DYNLL1: variants seen among roughly 807,000 people sequenced by gnomAD.
DYNLL1 encodes dynein light chain 1, cytoplasmic.
Under a neutral mutation model 10.1 loss-of-function variants are expected in DYNLL1, and 3 were observed. That is an observed-to-expected ratio of 0.30 (90% CI 0.14 to 0.77). The LOEUF is 0.77. Among genes scored for constraint, DYNLL1 ranks in the 30% least tolerant of loss-of-function variants. The pLI is 0.66. For synonymous variants in DYNLL1, 46 were observed against 41.2 expected, an observed-to-expected ratio of 1.12 and a Z score of -0.45; for missense variants, 47 against 111.7, an observed-to-expected ratio of 0.42 and a Z score of 2.61.
At chr12:120,486,835 C>T (rs787824) in intron 1 of DYNLL1, among the ~76,000 whole-genome samples, 119,217 of 151,940 alleles carry the variant, frequency 0.78, 47,168 homozygotes, top group Admixed American at 0.85. Flanking sequence ...AATCAATAAC[C>T]TCCTCACTGG....
chr12:120,496,569 G>T lies in DYNLL1; in HGVS notation c.132+16G>T. 21 of 1,613,692 alleles carry T rather than the reference G, an allele frequency of 1.3e-5. No individual in the cohort carries two copies. Among genetic ancestry groups the T allele is most frequent in the Non-Finnish European group, 1.8e-5 (21 of 1,179,912 alleles). On this transcript the variant is annotated intron_variant, in intron 2 of 2. Coordinates refer to ENST00000242577, the MANE Select transcript of DYNLL1 (RefSeq NM_003746.3). The stretch of plus-strand genomic sequence containing the variant: ...TATCAAGAAGGTGAGGATGGGCGCG[G>T]GGGCCGATACGCAGCCGGGAGCAGG...
At chr12:120,478,461 G>A (rs1270023282) in intron 1 of DYNLL1, among the ~76,000 whole-genome samples, 1 of 149,514 alleles carries the variant, frequency 6.7e-6, no homozygotes, top group Admixed American at 6.6e-5. Flanking sequence ...ACCTAGGCTG[G>A]TCTCAAACTC....
At position 120,487,266 on chromosome 12, in the gene DYNLL1, C is replaced by T. The variant is rs929621710; in HGVS notation, c.-6-9150C>T. 6.3e-4 allele frequency among the ~76,000 whole-genome samples: 84 copies of T among 133,744 alleles called. 1 individual carries two copies. Among genetic ancestry groups the T allele is most frequent in the East Asian group, 1.6e-3 (7 of 4,432 alleles). The allele number at this position is 133,744 out of a possible 152,430, so 87.7% of individuals were successfully genotyped here. A position where few individuals can be genotyped will look rare whatever the true frequency, so the allele number is the denominator to read the frequency against. ...GGGATTACAGGCGTAAGCCACCGTGCCCGGCCTTTTTTTTTTTTTTTTTTT... is the reference window on the plus strand; with the variant it reads ...GGGATTACAGGCGTAAGCCACCGTGTCCGGCCTTTTTTTTTTTTTTTTTTT... On this transcript the variant is annotated intron_variant, in intron 1 of 2. Coordinates refer to the DYNLL1 transcript ENST00000392509.
chr12:120,474,070 C>T (rs1317862104), intron 1 of DYNLL1, among the ~76,000 whole-genome samples: 2 of 151,804 alleles, frequency 1.3e-5, no homozygotes, highest in African/African-American at 4.8e-5. Context: ...GGAGTTCAAG[C>T]AGGGAAGAAG....
chr12:120,475,292 A>G (rs530968856), intron 1 of DYNLL1, among the ~76,000 whole-genome samples: 2 of 152,190 alleles, frequency 1.3e-5, no homozygotes, highest in Non-Finnish European at 2.9e-5. Context: ...CTGTATTTGT[A>G]GCAGCTCGGT....
intron 1 of DYNLL1, among the ~76,000 whole-genome samples, chr12:120,482,027 A>G (rs1394524532): frequency 6.6e-6 from 1 of 152,104 alleles, no homozygotes; most frequent in Non-Finnish European, 1.5e-5. Context: ...TCTTGTTAAT[A>G]TATCTTTCGT....
chr12:120,470,097 C>A (rs562327530), exon 1 of DYNLL1: 1 of 153,030 alleles, frequency 6.5e-6, no homozygotes, highest in African/African-American at 2.4e-5. Context: ...TCGCGGCCCC[C>A]ACCTCAGGTC....
chr12:120,474,378 T>TC (rs1469513596), intron 1 of DYNLL1, among the ~76,000 whole-genome samples: 4 of 150,316 alleles, frequency 2.7e-5, no homozygotes, highest in Non-Finnish European at 4.4e-5. Context: ...TTAATGCAGT[T>TC]CCCACAGCAA....
In DYNLL1 at chr12:120,487,442, G is replaced by A. The variant is rs141918030; in HGVS notation, c.-6-8974G>A. Among the ~76,000 whole-genome samples the A allele has an allele frequency of 9.4e-3, 1,424 of 151,102 alleles. 17 individuals carry two copies. The highest frequency in any genetic ancestry group is 0.033 in the African/African-American group (1,336 of 41,082). ...CTCCCGAGTAGCTGGGACTACAGGC[G>A]CCCACCACCACACCCGGCTAATTTT... On this transcript the variant is annotated intron_variant, in intron 1 of 2. Coordinates refer to the DYNLL1 transcript ENST00000392509.
chr12:120,473,579 C>T (rs1392693067), intron 1 of DYNLL1, among the ~76,000 whole-genome samples: 1 of 150,550 alleles, frequency 6.6e-6, no homozygotes, highest in African/African-American at 2.5e-5. Flanking sequence ...CCTGTAATCC[C>T]AGCTACTTTG....
In DYNLL1 at chr12:120,498,385, C is replaced by A. The variant is rs1868538750; in HGVS notation, c.*175C>A. 9.1e-6 allele frequency: 6 copies of A among 657,028 alleles called. No individual in the cohort carries two copies. The highest frequency in any genetic ancestry group is 1.4e-5 in the Non-Finnish European group (6 of 427,346). 40.7% of individuals were successfully genotyped at this position (657,028 alleles called of 1,614,324 possible). A position where few individuals can be genotyped will look rare whatever the true frequency, so the allele number is the denominator to read the frequency against. On this transcript the variant is annotated 3_prime_UTR_variant, in exon 3 of 3. Coordinates refer to ENST00000242577, the MANE Select transcript of DYNLL1 (RefSeq NM_003746.3). ...GTACTAGTTTGTCGTGGTTATAAAA[C>A]AATTAGCAGAATAGCCTACATTTGT...
upstream of DYNLL1, among the ~76,000 whole-genome samples, chr12:120,493,611 TTTTA>T (rs1248403797): frequency 6.6e-6 from 1 of 151,318 alleles, no homozygotes; most frequent in Non-Finnish European, 1.5e-5. Context: ...ATTTTTTATT[TTTTA>T]TTTATTTATT....
chr12:120,472,154 T>A (rs774543138), intron 1 of DYNLL1, among the ~76,000 whole-genome samples: 1 of 151,648 alleles, frequency 6.6e-6, no homozygotes, highest in Non-Finnish European at 1.5e-5. Flanking sequence ...TATACACATA[T>A]ATAGTGTATT....
intron 2 of DYNLL1, chr12:120,497,311 T>C (rs1868479180): frequency 6.5e-6 from 1 of 153,188 alleles, no homozygotes; most frequent in Admixed American, 6.5e-5. Context: ...TGCCACCCAA[T>C]GCCCCCCACA....
intron 1 of DYNLL1, among the ~76,000 whole-genome samples, chr12:120,471,991 G>A (rs1426032549): frequency 6.6e-6 from 1 of 151,500 alleles, no homozygotes; most frequent in Non-Finnish European, 1.5e-5. Flanking sequence ...ATTGCATTCT[G>A]TGCAATTAAA....
intron 1 of DYNLL1, chr12:120,490,325 C>G (rs1879096605): frequency 6.6e-6 from 1 of 152,158 alleles, no homozygotes; most frequent in South Asian, 2.1e-4. Context: ...AAATCAGATA[C>G]CAACTACCTA....
intron 1 of DYNLL1, among the ~76,000 whole-genome samples, chr12:120,479,477 T>A (rs56133038): frequency 0.02 from 2,261 of 113,972 alleles, 55 homozygotes; most frequent in African/African-American, 0.053. Context: ...AAAATAATAA[T>A]AATAATAATA....
chr12:120,496,283 TC>T, intron 1 of DYNLL1, 67 bp downstream of exon 1: 1 of 1,366,166 alleles, frequency 7.3e-7, no homozygotes, highest in Non-Finnish European at 1.0e-6. Flanking sequence ...GACTTAGCCC[TC>T]CGCGTAGCCC....
chr12:120,473,374 T>C (rs2137056141), intron 1 of DYNLL1, among the ~76,000 whole-genome samples: 1 of 150,930 alleles, frequency 6.6e-6, no homozygotes, highest in Admixed American at 6.6e-5. Flanking sequence ...GGCTAGGCAA[T>C]GTAGTGAGAC....
Sources: allele counts gnomAD v4.1 joint callset (sites outside exome capture counted in the v4.1 genomes callset), GRCh38; gene constraint gnomAD v4.1.1; transcripts MANE v1.5; gene names NCBI Gene and HGNC (gene_info 2026-07-23, HGNC 2026-07-21).